Variants in DLC1 observed in about 807,000 individuals in gnomAD.
DLC1 encodes DLC1 Rho GTPase activating protein, also known as rho GTPase-activating protein 7.
Under a neutral mutation model 140.3 loss-of-function variants are expected in DLC1, and 54 were observed. The observed-to-expected ratio is 0.38, with a 90% confidence interval of 0.31 to 0.48. The LOEUF (loss-of-function observed/expected upper bound fraction) is 0.48, where lower values mean the gene tolerates loss of function less well. DLC1 is among the 20% of genes least tolerant of loss of function. DLC1 has a pLI of 0.96. For synonymous variants in DLC1, 986 were observed against 728.1 expected (o/e 1.35, Z -5.70); for missense variants, 2,536 against 1,907.0 (o/e 1.33, Z -6.14).
Position 13,100,443 on chromosome 8 carries a change from C to T in DLC1, c.1894G>A (p.Gly632Ser), listed in dbSNP as rs1339520875. 3 of 1,613,862 alleles carry T rather than the reference C, an allele frequency of 1.9e-6. No homozygotes were observed. The highest frequency in any genetic ancestry group is 2.2e-5 in the East Asian group (1 of 44,882). Residue 632 changes from glycine to serine, a missense_variant, in exon 9 of 18, where the codon GGC becomes AGC. Transcript: ENST00000276297. ...AGGCTGCCGAAAGAGTCGTCATTGC[C>T]TGCCAAGTTGCTGGAGGAGCAAACG... Reference protein sequence around the residue: ...ISVCSSSNLAGNDDSFGSLPS... With the variant: ...ISVCSSSNLASNDDSFGSLPS...
chr8:13,127,176 C>T (rs2128960094), intron 5 of DLC1, among the ~76,000 whole-genome samples: 1 of 152,320 alleles, frequency 6.6e-6, no homozygotes. Context: ...GCTTGGGACA[C>T]CCAGCCCCCT....
At position 13,556,777 on chromosome 8, in the gene DLC1, C is replaced by G. The variant is rs143887577; in HGVS notation, c.-126+47760G>C. ...AAGTGGGAAAAACATATGCTTATTT[C>G]TAAAGTGGATGCTGTCAGAGACGCT... On this transcript the variant is annotated intron_variant, in intron 1 of 1. Transcript: ENST00000631382. Among the ~76,000 whole-genome samples the G allele has an allele frequency of 1.7e-3, 253 of 152,284 alleles. 1 individual carries two copies. Among genetic ancestry groups the G allele is most frequent in the African/African-American group, 5.8e-3 (243 of 41,560 alleles).
chr8:13,402,371 G>A (rs763972296), intron 2 of DLC1, among the ~76,000 whole-genome samples: 41 of 152,146 alleles, frequency 2.7e-4, no homozygotes, highest in Non-Finnish European at 2.4e-4. Context: ...CCATTCTGGT[G>A]TGTTTAAGTC....
At chr8:13,116,088 T>G in intron 5 of DLC1, 149 of 952,006 alleles carry the variant, frequency 1.6e-4, no homozygotes, top group South Asian at 3.4e-4. Flanking sequence ...AGAATTTATC[T>G]GAGTAAAGTC....
At chr8:13,222,529 G>A (rs1429987115) in intron 5 of DLC1, among the ~76,000 whole-genome samples, 3 of 152,244 alleles carry the variant, frequency 2.0e-5, no homozygotes, top group African/African-American at 7.2e-5. Context: ...TCTGTCAGAA[G>A]TTCTCACATT....
chr8:13,439,628 A>G (rs1162641059), intron 2 of DLC1, among the ~76,000 whole-genome samples: 2 of 152,152 alleles, frequency 1.3e-5, no homozygotes, highest in Non-Finnish European at 2.9e-5. Flanking sequence ...CAATCCTTTC[A>G]TCGATAAAAT....
intron 2 of DLC1, among the ~76,000 whole-genome samples, chr8:13,465,404 T>C (rs1799886302): frequency 6.6e-6 from 1 of 152,168 alleles, no homozygotes; most frequent in African/African-American, 2.4e-5. Flanking sequence ...ACTCTGGCAC[T>C]TGGTGTATTT....
intron 5 of DLC1, among the ~76,000 whole-genome samples, chr8:13,289,310 C>G (rs1030051319): frequency 8.5e-5 from 13 of 152,148 alleles, no homozygotes; most frequent in African/African-American, 3.1e-4. Context: ...CCTGCCTCAG[C>G]CTCCAGAGTA....
intron 2 of DLC1, among the ~76,000 whole-genome samples, chr8:13,488,100 T>C (rs1200262860): frequency 1.3e-5 from 2 of 152,216 alleles, no homozygotes; most frequent in East Asian, 1.9e-4. Flanking sequence ...ATTATTCTCA[T>C]GCCTTCTTAC....
chr8:13,220,824 A>T (rs1404752776), intron 5 of DLC1, among the ~76,000 whole-genome samples: 1 of 152,178 alleles, frequency 6.6e-6, no homozygotes, highest in Non-Finnish European at 1.5e-5. Flanking sequence ...GGAGTTTGAA[A>T]TTAGAATTGT....
chr8:13,574,742 G>A (rs924661360), intron 1 of DLC1, among the ~76,000 whole-genome samples: 1 of 152,166 alleles, frequency 6.6e-6, no homozygotes, highest in Non-Finnish European at 1.5e-5. Flanking sequence ...TCTTGAGATA[G>A]AAGTGGTGAT....
At position 13,132,866 on chromosome 8, in the gene DLC1, T is replaced by C. The variant is rs1822231920; in HGVS notation, c.1349-17209A>G. The C allele has an allele frequency of 3.4e-5, 51 of 1,518,936 alleles. 1 individual carries two copies. The South Asian group carries it at 5.6e-4, about 17-fold the overall frequency. The allele number at this position is 1,518,936 out of a possible 1,614,324, so 94.1% of individuals were successfully genotyped here. A position where few individuals can be genotyped will look rare whatever the true frequency, so the allele number is the denominator to read the frequency against. On this transcript the variant is annotated intron_variant, in intron 5 of 17. Coordinates refer to ENST00000276297, the MANE Select transcript of DLC1 (RefSeq NM_182643.3). The stretch of plus-strand genomic sequence containing the variant: ...CAGGCACCGACTTGACAAGGCGGGG[T>C]GACACTTTCTCGCGGCGGGTCCCCT...
intron 4 of DLC1, among the ~76,000 whole-genome samples, chr8:13,316,675 G>T (rs13282920): frequency 0.36 from 54,423 of 151,706 alleles, 10,100 homozygotes; most frequent in Middle Eastern, 0.43. Flanking sequence ...TGTGACTTTT[G>T]CACCTAAGGT....
rs774305600 is a variant in DLC1 at position 13,499,774 on chromosome 8, G to T, written c.298C>A (p.Leu100Met). ...SHEGEDQFLS[L>M]EASTETLVHV... Reference sequence around the variant, plus strand: ...ACTAGTGTTTCTGTGCTGGCTTCCAGAGAAAGAAACTGATCTTCACCTTCA... The same window carrying T: ...ACTAGTGTTTCTGTGCTGGCTTCCATAGAAAGAAACTGATCTTCACCTTCA... The change falls in exon 2 of 18, where the codon CTG becomes ATG. Residue 100 changes from leucine to methionine, a missense_variant. Leu to Met is a conservative substitution (Grantham distance 15). Transcript: ENST00000276297. The T allele has an allele frequency of 1.2e-6, 2 of 1,613,900 alleles. No homozygotes were observed. Among genetic ancestry groups the T allele is most frequent in the African/African-American group, 2.7e-5 (2 of 74,912 alleles).
chr8:13,594,154 T>C (rs2117481056), intron 1 of DLC1, among the ~76,000 whole-genome samples: 1 of 152,006 alleles, frequency 6.6e-6, no homozygotes, highest in East Asian at 1.9e-4. Flanking sequence ...GAGCGAGACC[T>C]GGTCTCAAAA....
At chr8:13,156,275 A>G (rs1055938156) in intron 5 of DLC1, among the ~76,000 whole-genome samples, 2 of 152,200 alleles carry the variant, frequency 1.3e-5, no homozygotes, top group Admixed American at 1.3e-4. Context: ...TATCATGGCC[A>G]AAATGTCATC....
intron 1 of DLC1, among the ~76,000 whole-genome samples, chr8:13,556,398 C>G (rs1804046875): frequency 6.6e-6 from 1 of 152,104 alleles, no homozygotes; most frequent in South Asian, 2.1e-4. Flanking sequence ...TCCAAAAATT[C>G]TGATTTAAAA....
intron 12 of DLC1, among the ~76,000 whole-genome samples, chr8:13,094,088 G>T (rs960514637): frequency 1.3e-5 from 2 of 152,188 alleles, no homozygotes; most frequent in Non-Finnish European, 2.9e-5. Context: ...CAAGAGGGGT[G>T]TGAAGCAACT....
At chr8:13,385,423 G>A (rs753953709) in intron 4 of DLC1, among the ~76,000 whole-genome samples, 1 of 152,060 alleles carries the variant, frequency 6.6e-6, no homozygotes, top group Non-Finnish European at 1.5e-5. Flanking sequence ...CTAGAGAAAC[G>A]CTAAAACCCA....
Sources: allele counts gnomAD v4.1 joint callset (sites outside exome capture counted in the v4.1 genomes callset), GRCh38; gene constraint gnomAD v4.1.1; transcripts MANE v1.5; gene names NCBI Gene and HGNC (gene_info 2026-07-23, HGNC 2026-07-21).